The following FAM83G variants were observed in gnomAD, a reference collection of about 807,000 sequenced individuals.
FAM83G encodes scaffolding CK1 anchoring protein G.
A neutral mutation model predicts 61.5 loss-of-function variants in FAM83G; 38 were observed. The observed-to-expected ratio is 0.62, with a 90% CI of 0.48 to 0.81. FAM83G has a LOEUF of 0.81. Among genes scored for constraint, FAM83G ranks in the 30% least tolerant of loss-of-function variants. The pLI is 0.00. For synonymous variants in FAM83G, 470 were observed against 476.1 expected, an observed-to-expected ratio of 0.99 and a Z score of 0.17; for missense variants, 989 against 1,133.6, an observed-to-expected ratio of 0.87 and a Z score of 1.83.
At chr17:18,976,203 CT>C (rs1439562110) in intron 5 of FAM83G, 1 of 99,852 alleles carries the variant, frequency 1.0e-5, no homozygotes, top group African/African-American at 3.8e-5. Flanking sequence ...AAAAGTAACT[CT>C]TTTGAAGTAG....
chr17:18,981,256 A>G (rs1400244677), intron 3 of FAM83G, among the ~76,000 whole-genome samples: 1 of 152,028 alleles, frequency 6.6e-6, no homozygotes, highest in African/African-American at 2.4e-5. Context: ...GAGGTGGGGA[A>G]GCATTCCAGG....
At chr17:18,992,943 A>T (rs2043465820) in intron 2 of FAM83G, among the ~76,000 whole-genome samples, 1 of 152,068 alleles carries the variant, frequency 6.6e-6, no homozygotes, top group South Asian at 2.1e-4. Flanking sequence ...GGCTCCTGAC[A>T]CCCACAACAG....
In FAM83G at chr17:18,969,372, C is replaced by T; in HGVS notation, c.*1987G>A. On this transcript the variant is annotated 3_prime_UTR_variant, in exon 6 of 6. Coordinates refer to ENST00000388995, the MANE Select transcript of FAM83G (RefSeq NM_001039999.3). Reference sequence around the variant, plus strand: ...CTGGCTGCTGTAATCTACACGGACGCCCTGCAGACGCTCATCATGGTGGTG... The same window carrying T: ...CTGGCTGCTGTAATCTACACGGACGTCCTGCAGACGCTCATCATGGTGGTG... 6.2e-7 allele frequency: 1 copy of T among 1,613,716 alleles called. No individual in the cohort carries two copies.
Position 18,988,422 on chromosome 17 carries a change from C to G in FAM83G, c.523-8G>C. The G allele has an allele frequency of 6.2e-7, 1 of 1,613,548 alleles. No homozygotes were observed. The highest frequency in any genetic ancestry group is 8.5e-7 in the Non-Finnish European group (1 of 1,179,554). ...CATGACCACAGCTATCACCTGGGAG[C>G]AAGAAGAGAGACTAGGGCCTGTCAG... On this transcript the variant is annotated splice_region_variant and splice_polypyrimidine_tract_variant and intron_variant, in intron 2 of 5. Transcript: ENST00000388995.
chr17:18,991,893 G>C (rs1407547411), intron 2 of FAM83G, among the ~76,000 whole-genome samples: 1 of 152,206 alleles, frequency 6.6e-6, no homozygotes, highest in African/African-American at 2.4e-5. Context: ...CAATGCCCAA[G>C]ACAACCATCT....
chr17:18,971,835 G>C lies in FAM83G; in HGVS notation c.2083-87C>G. The C allele has an allele frequency of 6.9e-7, 1 of 1,440,896 alleles. No individual in the cohort carries two copies. Among genetic ancestry groups the C allele is most frequent in the South Asian group, 1.4e-5 (1 of 70,340 alleles). The allele number at this position is 1,440,896 out of a possible 1,614,324, so 89.3% of individuals were successfully genotyped here. A position where few individuals can be genotyped will look rare whatever the true frequency, so the allele number is the denominator to read the frequency against. On this transcript the variant is annotated intron_variant, in intron 5 of 5. Coordinates refer to ENST00000388995, the MANE Select transcript of FAM83G (RefSeq NM_001039999.3). This position sits in a 1 kb window ranked among gnomAD's most constrained non-coding sequence, Gnocchi z 5.5. ...GACCCTGCTCAGGCACACAGGAGCC[G>C]GCAGGCCCGGGTTCGCCTCCTGGCT...
chr17:18,985,705 C>T (rs2043252153), intron 3 of FAM83G, among the ~76,000 whole-genome samples: 1 of 152,220 alleles, frequency 6.6e-6, no homozygotes, highest in East Asian at 1.9e-4. Flanking sequence ...GAAGCCAGGT[C>T]ACACTTTCCC....
rs914425299 is a variant in FAM83G at position 19,003,768 on chromosome 17, C to T, written c.274G>A (p.Asp92Asn). Reference protein sequence around the residue: ...RGTGPSQGPEDNGVGDGEEAS... With the variant: ...RGTGPSQGPENNGVGDGEEAS... ...TCCTCGCCGTCGCCGACCCCATTGT[C>T]CTCGGGCCCCTGAGAGGGGCCCGTG... The change falls in exon 2 of 6, where the codon GAC becomes AAC. Residue 92 changes from aspartate (D) to asparagine (N), a missense_variant. Physicochemically the swap from Asp to Asn is conservative, Grantham distance 23 (BLOSUM62 1). This residue lies in a region of FAM83G where 371 missense variants were observed against 404.5 expected (regional missense o/e 0.92). Transcript: ENST00000388995. The surrounding 1 kb of genome is among the most constrained non-coding windows in gnomAD (Gnocchi z 4.5). The T allele has an allele frequency of 6.2e-7, 1 of 1,610,036 alleles. No individual in the cohort carries two copies. The highest frequency in any genetic ancestry group is 1.1e-5 in the South Asian group (1 of 90,942).
intron 4 of FAM83G, 72 bp from the exon 5 acceptor site, chr17:18,978,922 A>G: frequency 6.5e-7 from 1 of 1,546,600 alleles, no homozygotes; most frequent in African/African-American, 1.4e-5. Flanking sequence ...GTGCACCCAT[A>G]GCCGCTGGGC....
intron 3 of FAM83G, among the ~76,000 whole-genome samples, chr17:18,980,679 G>A (rs977412207): frequency 3.9e-5 from 6 of 152,144 alleles, no homozygotes; most frequent in Non-Finnish European, 7.4e-5. Flanking sequence ...AGGAAGGACA[G>A]GGCGAGCCTG....
At chr17:18,974,732 C>T (rs2042937611) in intron 5 of FAM83G, among the ~76,000 whole-genome samples, 1 of 152,228 alleles carries the variant, frequency 6.6e-6, no homozygotes, top group Non-Finnish European at 1.5e-5. Context: ...TGGCCGGCTA[C>T]ACTAGCAGCC....
rs770101960 is a variant in FAM83G at position 19,003,976 on chromosome 17, C to T, written c.66G>A (p.Lys22=). ...GCTCCTCGCTGTAGAAGAACTCAGG[C>T]TTGGACTCGCTGGAGCGCCAGTTCA... ...NHVNWRSSES[K]PEFFYSEEQR... is the part of the protein sequence containing the mutation. The change falls in exon 2 of 6, where the codon AAG becomes AAA. Residue 22 remains lysine, a synonymous_variant. Coordinates refer to ENST00000388995, the MANE Select transcript of FAM83G (RefSeq NM_001039999.3). This position sits in a 1 kb window ranked among gnomAD's most constrained non-coding sequence, Gnocchi z 4.5. 1.9e-6 allele frequency: 3 copies of T among 1,612,458 alleles called. No homozygotes were observed. The African/African-American group carries it at 4.0e-5, about 22-fold the overall frequency.
chr17:18,981,177 G>A (rs1210662183), intron 3 of FAM83G, among the ~76,000 whole-genome samples: 3 of 152,202 alleles, frequency 2.0e-5, no homozygotes, highest in African/African-American at 7.2e-5. Flanking sequence ...CAGGATCGCA[G>A]AGGAGTAGCC....
rs1459353525 is a variant in FAM83G, at chr17:18,988,285, T to A, written c.652A>T (p.Met218Leu). 1 of 1,613,956 alleles carries A rather than the reference T, an allele frequency of 6.2e-7. No individual in the cohort carries two copies. The highest frequency in any genetic ancestry group is 1.7e-5 in the Admixed American group (1 of 60,030). The change falls in exon 3 of 6, where the codon ATG becomes TTG. Residue 218 changes from methionine (M) to leucine (L), a missense_variant. Coordinates refer to ENST00000388995, the MANE Select transcript of FAM83G (RefSeq NM_001039999.3). ...AGGTGCATGCAGGCCCGCTCACACA[T>A]GTGCAGGAAGTACTTGACGTTACTC... is the stretch of plus-strand genomic sequence containing the variant. ...DESNVKYFLH[M>L]CERACMHLGH...
chr17:18,994,251 T>C (rs1205862489), intron 2 of FAM83G, among the ~76,000 whole-genome samples: 1 of 152,180 alleles, frequency 6.6e-6, no homozygotes, highest in African/African-American at 2.4e-5. Context: ...CAGGCTTCAA[T>C]CAGCACAGCG....
chr17:18,971,727 T>C lies in FAM83G; in HGVS notation c.2104A>G (p.Arg702Gly), dbSNP rs1395938624. 3.2e-6 allele frequency: 5 copies of C among 1,575,762 alleles called. No individual in the cohort carries two copies. The South Asian group carries it at 3.5e-5, about 11-fold the overall frequency. Residue 702 changes from arginine to glycine, a missense_variant, in exon 6 of 6, where the codon AGG becomes GGG. Arg to Gly is a moderately radical substitution (Grantham distance 125, BLOSUM62 -2). Coordinates refer to ENST00000388995, the MANE Select transcript of FAM83G (RefSeq NM_001039999.3). The surrounding 1 kb of genome is among the most constrained non-coding windows in gnomAD (Gnocchi z 5.5). ...EAQGQQFHHH[R>G]VPASGTRDKD... Reference sequence around the variant, plus strand: ...TCCCTAGTCCCTGAGGCAGGGACCCTGTGATGATGAAACTGCTGGCCCTGG... The same window carrying C: ...TCCCTAGTCCCTGAGGCAGGGACCCCGTGATGATGAAACTGCTGGCCCTGG...
rs560635447 is a variant in FAM83G, at chr17:18,972,984, G to C, written c.2083-1236C>G. Among the ~76,000 whole-genome samples, 252 of 152,232 alleles carry C rather than the reference G, an allele frequency of 1.7e-3. 2 individuals carry two copies. Among genetic ancestry groups the C allele is most frequent in the Non-Finnish European group, 3.0e-3 (204 of 68,002 alleles). On this transcript the variant is annotated intron_variant, in intron 5 of 5. Transcript: ENST00000388995. ...CCTCAAGCAGGGCCCCTCATGCTCC[G>C]GCATGCTGTGCTCACAAGCTGCCCA...
chr17:19,005,192 G>A (rs751798219), upstream of FAM83G, among the ~76,000 whole-genome samples: 7 of 152,174 alleles, frequency 4.6e-5, no homozygotes, highest in Non-Finnish European at 1.0e-4. Flanking sequence ...GCAGGGATAG[G>A]GCACTGACTG....
chr17:19,005,093 C>T (rs1489493041), upstream of FAM83G, among the ~76,000 whole-genome samples: 1 of 152,156 alleles, frequency 6.6e-6, no homozygotes, highest in Admixed American at 6.5e-5. Context: ...CCAGTTTCGC[C>T]GGCGTGGCGG....
Sources: gnomAD v4.1 joint callset for allele counts (sites outside exome capture counted in the v4.1 genomes callset) on GRCh38, gnomAD v4.1.1 for gene constraint, gnomAD v4.1.1 regional missense constraint, Gnocchi (gnomAD v3.1) non-coding constraint, MANE v1.5 for transcripts, NCBI Gene and HGNC (gene_info 2026-07-23, HGNC 2026-07-21) for gene names.